The following ARHGAP42 variants were observed in gnomAD, a reference collection of about 807,000 sequenced individuals.
ARHGAP42 encodes Rho GTPase activating protein 42.
In ARHGAP42, 63 loss-of-function variants were observed where a neutral mutation model predicts 125.0. The observed-to-expected ratio is 0.50, with a 90% CI of 0.41 to 0.62. The LOEUF (loss-of-function observed/expected upper bound fraction) is 0.62. ARHGAP42 is among the 20% of genes least tolerant of loss of function. ARHGAP42 has a pLI of 0.00. For missense variants in ARHGAP42, 766 were observed against 1,024.2 expected, an observed-to-expected ratio of 0.75 and a Z score of 3.44; for synonymous variants, 339 against 351.0, an observed-to-expected ratio of 0.97 and a Z score of 0.38.
intron 1 of ARHGAP42, among the ~76,000 whole-genome samples, chr11:100,714,431 T>A (rs1231173627): frequency 1.3e-5 from 2 of 151,612 alleles, no homozygotes; most frequent in Non-Finnish European, 2.9e-5. Flanking sequence ...GTATTTGAGA[T>A]ACTTCAGTGC....
At chr11:100,786,660 A>G (rs1863442406) in intron 2 of ARHGAP42, among the ~76,000 whole-genome samples, 1 of 152,146 alleles carries the variant, frequency 6.6e-6, no homozygotes, top group Non-Finnish European at 1.5e-5. Context: ...AAAAACTATT[A>G]GATATATAGT....
intron 1 of ARHGAP42, among the ~76,000 whole-genome samples, chr11:100,691,328 T>A: frequency 6.6e-6 from 1 of 152,298 alleles, no homozygotes; most frequent in African/African-American, 2.4e-5. Flanking sequence ...GGAATTATAT[T>A]CAAAGAAACA....
Position 100,828,799 on chromosome 11 carries a change from C to T in ARHGAP42, c.313-30755C>T, listed in dbSNP as rs930404742. Among the ~76,000 whole-genome samples the T allele has an allele frequency of 2.8e-4, 42 of 151,808 alleles. 1 individual carries two copies. Among genetic ancestry groups the T allele is most frequent in the Admixed American group, 1.3e-4 (2 of 15,238 alleles). ...AACACCTGTGCTCAAGTGATCCTCC[C>T]GCCTTGGCCTCCCAAAGTGCTGTGA... On this transcript the variant is annotated intron_variant, in intron 3 of 23. Transcript: ENST00000298815.
intron 16 of ARHGAP42, among the ~76,000 whole-genome samples, chr11:100,964,829 T>C (rs1312810088): frequency 6.6e-6 from 1 of 152,146 alleles, no homozygotes; most frequent in Non-Finnish European, 1.5e-5. Context: ...AGCCCTTCTG[T>C]ATTGTCTTTA....
At chr11:100,763,641 T>C (rs911897952) in intron 1 of ARHGAP42, among the ~76,000 whole-genome samples, 7 of 151,930 alleles carry the variant, frequency 4.6e-5, no homozygotes, top group African/African-American at 1.7e-4. Context: ...GTGCATGCAC[T>C]ACTGCACCCA....
chr11:100,849,272 C>T (rs1865146868), intron 3 of ARHGAP42, among the ~76,000 whole-genome samples: 1 of 152,134 alleles, frequency 6.6e-6, no homozygotes, highest in African/African-American at 2.4e-5. Flanking sequence ...CTGAAAGAGG[C>T]TCTTTACTTC....
intron 1 of ARHGAP42, among the ~76,000 whole-genome samples, chr11:100,727,077 A>C (rs555174380): frequency 4.6e-5 from 7 of 152,332 alleles, no homozygotes; most frequent in Non-Finnish European, 1.0e-4. Context: ...ATGTGTTTGA[A>C]GAGCCATAGA....
At chr11:100,871,720 A>G (rs956279186) in intron 4 of ARHGAP42, among the ~76,000 whole-genome samples, 8 of 152,198 alleles carry the variant, frequency 5.3e-5, no homozygotes, top group African/African-American at 1.9e-4. Context: ...AAGTGTCAGC[A>G]TTTGCTGAAC....
intron 8 of ARHGAP42, among the ~76,000 whole-genome samples, 160 bp downstream of exon 8, chr11:100,936,492 C>T (rs982766637): frequency 1.3e-5 from 2 of 152,172 alleles, no homozygotes; most frequent in South Asian, 2.1e-4. Flanking sequence ...CGTTTTTCCG[C>T]ATTTTGCCAT....
chr11:100,934,560 T>C (rs1385406855), intron 7 of ARHGAP42, among the ~76,000 whole-genome samples: 1 of 152,196 alleles, frequency 6.6e-6, no homozygotes, highest in East Asian at 1.9e-4. Flanking sequence ...AACACTTGCA[T>C]TGAAATAAAA....
intron 4 of ARHGAP42, 23 bp downstream of exon 4, chr11:100,859,648 C>A: frequency 7.1e-7 from 1 of 1,411,898 alleles, no homozygotes; most frequent in Non-Finnish European, 9.4e-7. Context: ...TTTTATTATT[C>A]TTCAGTTATT....
chr11:100,974,818 G>T (rs1337438096), intron 19 of ARHGAP42, among the ~76,000 whole-genome samples: 1 of 151,972 alleles, frequency 6.6e-6, no homozygotes, highest in Non-Finnish European at 1.5e-5. Flanking sequence ...AAAGAAAAAA[G>T]GGCTCAAGGC....
Position 100,965,411 on chromosome 11 carries a change from AT to A in ARHGAP42, c.1445-259del, listed in dbSNP as rs556132093. On this transcript the variant is annotated intron_variant, in intron 16 of 23. Coordinates refer to ENST00000298815, the MANE Select transcript of ARHGAP42 (RefSeq NM_152432.4). The stretch of plus-strand genomic sequence containing the variant: ...TGATGAGTTTTGGCTGTATCAAAGT[AT>A]ACAGTTCAGTGGCTAAGAGCATCTG... Among the ~76,000 whole-genome samples, 3 of 152,170 alleles carry A rather than the reference AT, an allele frequency of 2.0e-5. No individual in the cohort carries two copies. In the South Asian group the frequency reaches 6.2e-4, roughly 32 times the overall value.
At chr11:100,689,983 C>T (rs968756692) in intron 1 of ARHGAP42, among the ~76,000 whole-genome samples, 1 of 152,050 alleles carries the variant, frequency 6.6e-6, no homozygotes, top group Non-Finnish European at 1.5e-5. Flanking sequence ...GGATTTGAAG[C>T]CTGCTTGGTT....
intron 4 of ARHGAP42, among the ~76,000 whole-genome samples, chr11:100,870,480 A>G (rs970117024): frequency 5.9e-5 from 9 of 152,226 alleles, no homozygotes; most frequent in Admixed American, 1.3e-4. Flanking sequence ...GTATTTCATG[A>G]TACCTAGTTT....
chr11:100,957,552 A>G lies in ARHGAP42; in HGVS notation c.1163-2331A>G, dbSNP rs914580818. ...CAAAGCTGTGCACTAACTCTGCACC[A>G]TGAAACTACTCTTTCAGTCAAAGCA... On this transcript the variant is annotated intron_variant, in intron 12 of 23. Coordinates refer to ENST00000298815, the MANE Select transcript of ARHGAP42 (RefSeq NM_152432.4). Among the ~76,000 whole-genome samples, 131 of 152,238 alleles carry G rather than the reference A, an allele frequency of 8.6e-4. 4 individuals are homozygous for G. The highest frequency in any genetic ancestry group is 5.4e-3 in the Admixed American group (82 of 15,254).
chr11:100,743,387 T>C (rs1272076070), intron 1 of ARHGAP42, among the ~76,000 whole-genome samples: 1 of 152,192 alleles, frequency 6.6e-6, no homozygotes, highest in East Asian at 1.9e-4. Flanking sequence ...AGGCTAAAGA[T>C]AGGACCCCAA....
chr11:100,748,226 C>T (rs1193736783), intron 1 of ARHGAP42, among the ~76,000 whole-genome samples: 1 of 152,226 alleles, frequency 6.6e-6, no homozygotes. Context: ...ATGGCTCCTT[C>T]CTGATTCTAT....
intron 5 of ARHGAP42, among the ~76,000 whole-genome samples, chr11:100,919,170 C>G (rs1018756662): frequency 6.6e-6 from 1 of 152,148 alleles, no homozygotes; most frequent in Non-Finnish European, 1.5e-5. Context: ...GAAATGTTGT[C>G]CACCAAGGAA....
Sources: gnomAD v4.1 joint callset for allele counts (sites outside exome capture counted in the v4.1 genomes callset) on GRCh38, gnomAD v4.1.1 for gene constraint, MANE v1.5 for transcripts, NCBI Gene and HGNC (gene_info 2026-07-23, HGNC 2026-07-21) for gene names.